The following PCDH9 variants were observed in gnomAD, a reference collection of about 807,000 sequenced individuals.
PCDH9 encodes protocadherin 9.
PCDH9 carries 24 observed loss-of-function variants against 70.6 expected under a neutral mutation model. The observed-to-expected ratio is 0.34, with a 90% CI of 0.25 to 0.48. PCDH9 has a LOEUF of 0.48. PCDH9 is among the 20% of genes least tolerant of loss of function. PCDH9 has a pLI of 0.99. For synonymous variants in PCDH9, 562 were observed against 558.5 expected (o/e 1.01, Z -0.09); for missense variants, 1,281 against 1,503.6 (o/e 0.85, Z 2.45).
chr13:66,717,194 G>A (rs574587864), intron 3 of PCDH9, among the ~76,000 whole-genome samples: 2 of 151,852 alleles, frequency 1.3e-5, no homozygotes, highest in South Asian at 2.1e-4. Context: ...GGTGGCTCAC[G>A]CCTGTAACTG....
intron 3 of PCDH9, among the ~76,000 whole-genome samples, chr13:66,660,892 A>G (rs972778352): frequency 1.3e-4 from 20 of 151,874 alleles, no homozygotes; most frequent in African/African-American, 4.8e-4. Context: ...TTTATATTTT[A>G]GTGATGTTTC....
chr13:67,026,089 TC>T (rs1309161177), intron 2 of PCDH9, among the ~76,000 whole-genome samples: 2 of 152,160 alleles, frequency 1.3e-5, no homozygotes, highest in African/African-American at 4.8e-5. Flanking sequence ...CACATCTGCA[TC>T]TATTGAGATA....
At chr13:67,027,773 C>A in intron 2 of PCDH9, among the ~76,000 whole-genome samples, 1 of 151,564 alleles carries the variant, frequency 6.6e-6, no homozygotes, top group East Asian at 1.9e-4. Flanking sequence ...TGAACAGACA[C>A]TTCTCAAAAG....
At chr13:66,953,657 T>C (rs1264474561) in intron 2 of PCDH9, among the ~76,000 whole-genome samples, 2 of 152,184 alleles carry the variant, frequency 1.3e-5, no homozygotes, top group Non-Finnish European at 2.9e-5. Flanking sequence ...TAATGGTGGG[T>C]GGTTTTATGT....
rs373426324 is a variant in PCDH9, at chr13:66,400,297, T to A, written c.3341-95269A>T. Among the ~76,000 whole-genome samples, 211 of 152,350 alleles carry A rather than the reference T, an allele frequency of 1.4e-3. 2 individuals are homozygous for A. The highest frequency in any genetic ancestry group is 4.9e-3 in the African/African-American group (205 of 41,590). On this transcript the variant is annotated intron_variant, in intron 4 of 4. Coordinates refer to ENST00000377865, the MANE Select transcript of PCDH9 (RefSeq NM_203487.3). ...TCAATGCCAGAATGAAAACTGCTGA[T>A]ATGAATGAGTATCATTCTTAGGCAA...
At chr13:67,209,252 C>G (rs1184206918) in intron 2 of PCDH9, 1 of 152,072 alleles carries the variant, frequency 6.6e-6, no homozygotes, top group Non-Finnish European at 1.5e-5. Context: ...AAGAACAATT[C>G]CTTAAGAATG....
chr13:66,796,761 C>T (rs1489545424), intron 3 of PCDH9, among the ~76,000 whole-genome samples: 1 of 151,848 alleles, frequency 6.6e-6, no homozygotes, highest in Non-Finnish European at 1.5e-5. Flanking sequence ...GAGATATAGA[C>T]ATATAAATAC....
chr13:67,036,224 G>T (rs539291342), intron 2 of PCDH9, among the ~76,000 whole-genome samples: 1 of 152,268 alleles, frequency 6.6e-6, no homozygotes, highest in African/African-American at 2.4e-5. Flanking sequence ...GAAAGCATGG[G>T]CATTTGAAGA....
chr13:66,947,494 G>C (rs922007783), intron 2 of PCDH9, among the ~76,000 whole-genome samples: 1 of 152,022 alleles, frequency 6.6e-6, no homozygotes, highest in African/African-American at 2.4e-5. Context: ...GAAAACTATT[G>C]TCTGGAAAAA....
intron 3 of PCDH9, among the ~76,000 whole-genome samples, chr13:66,842,257 C>T (rs2081128862): frequency 6.6e-6 from 1 of 152,110 alleles, no homozygotes; most frequent in Non-Finnish European, 1.5e-5. Flanking sequence ...GCAACATCTG[C>T]TACAAAATAA....
intron 4 of PCDH9, among the ~76,000 whole-genome samples, chr13:66,537,475 A>G (rs1237409428): frequency 6.6e-6 from 1 of 152,120 alleles, no homozygotes; most frequent in Non-Finnish European, 1.5e-5. Context: ...TCCAAACAGA[A>G]AACCTCCACA....
chr13:66,589,251 T>C (rs900869777), intron 4 of PCDH9, among the ~76,000 whole-genome samples: 4 of 152,092 alleles, frequency 2.6e-5, no homozygotes, highest in Admixed American at 2.0e-4. Context: ...CAATCATCTC[T>C]GAGAGCTCTT....
chr13:66,821,384 A>G (rs1354631540), intron 3 of PCDH9, among the ~76,000 whole-genome samples: 2 of 152,294 alleles, frequency 1.3e-5, no homozygotes, highest in South Asian at 2.1e-4. Flanking sequence ...TGAACCTTAC[A>G]GAGTAATAGG....
At chr13:66,891,777 C>A (rs1406769828) in intron 3 of PCDH9, among the ~76,000 whole-genome samples, 2 of 151,864 alleles carry the variant, frequency 1.3e-5, no homozygotes, top group Non-Finnish European at 2.9e-5. Flanking sequence ...GAGTGAACTT[C>A]ATTATTTTAT....
intron 4 of PCDH9, among the ~76,000 whole-genome samples, chr13:66,418,583 C>T (rs7330383): frequency 0.82 from 124,736 of 152,070 alleles, 52,744 homozygotes; most frequent in South Asian, 0.95. Context: ...TGGGACACAG[C>T]TAAATCAGTG....
chr13:66,395,189 A>G (rs1957081194), intron 4 of PCDH9, among the ~76,000 whole-genome samples: 1 of 152,254 alleles, frequency 6.6e-6, no homozygotes. Flanking sequence ...GGAAAAAAGT[A>G]GAGGTACTCC....
intron 2 of PCDH9, among the ~76,000 whole-genome samples, chr13:67,181,738 C>T (rs913172470): frequency 6.6e-6 from 1 of 151,936 alleles, no homozygotes; most frequent in African/African-American, 2.4e-5. Flanking sequence ...CAAATGGACA[C>T]AAAAGTGACT....
At chr13:66,580,941 T>A (rs1566434004) in intron 4 of PCDH9, among the ~76,000 whole-genome samples, 1 of 152,132 alleles carries the variant, frequency 6.6e-6, no homozygotes, top group Non-Finnish European at 1.5e-5. Context: ...ATGCTGAACA[T>A]GGCGTTATTT....
At chr13:66,938,344 GA>G (rs1443633401) in intron 2 of PCDH9, among the ~76,000 whole-genome samples, 1 of 152,018 alleles carries the variant, frequency 6.6e-6, no homozygotes, top group Non-Finnish European at 1.5e-5. Context: ...ATTGCTATTT[GA>G]AAAAAAGAGC....
Sources: allele counts gnomAD v4.1 joint callset (sites outside exome capture counted in the v4.1 genomes callset), GRCh38; gene constraint gnomAD v4.1.1; transcripts MANE v1.5; gene names NCBI Gene and HGNC (gene_info 2026-07-23, HGNC 2026-07-21).